AGAP1: variants seen among roughly 807,000 people sequenced by gnomAD.
AGAP1 encodes arf-GAP with GTPase, ANK repeat and PH domain-containing protein 1.
In AGAP1, 29 loss-of-function variants were observed where a neutral mutation model predicts 105.3. The observed-to-expected ratio is 0.28, with a 90% CI of 0.21 to 0.38. AGAP1 has a LOEUF of 0.38. Among genes scored for constraint, AGAP1 ranks in the 10% least tolerant of loss-of-function variants. AGAP1 has a pLI of 1.00. For missense variants in AGAP1, 998 were observed against 1,165.1 expected (o/e 0.86, Z 2.09); for synonymous variants, 509 against 485.9 (o/e 1.05, Z -0.63).
At chr2:235,534,240 C>CATG (rs1474474454) in intron 1 of AGAP1, among the ~76,000 whole-genome samples, 1 of 152,142 alleles carries the variant, frequency 6.6e-6, no homozygotes. Context: ...GGACCGATAG[C>CATG]GTGCGCATGG....
rs1297171008 is a variant in AGAP1, at chr2:236,114,160, C to T, written c.2115-6032C>T. Among the ~76,000 whole-genome samples, 1 of 152,054 alleles carries T rather than the reference C, an allele frequency of 6.6e-6. No individual in the cohort carries two copies. Among genetic ancestry groups the T allele is most frequent in the African/African-American group, 2.4e-5 (1 of 41,398 alleles). On this transcript the variant is annotated intron_variant, in intron 16 of 17. Transcript: ENST00000304032. The surrounding 1 kb of genome is among the most constrained non-coding windows in gnomAD (Gnocchi z 5.0). ...CGGAGGCTGTGAACGGTGATCCTCC[C>T]GGGGATTGGAATGAGGGGAGGTGAT...
chr2:235,914,186 T>C (rs1415020422), intron 11 of AGAP1, among the ~76,000 whole-genome samples: 1 of 152,242 alleles, frequency 6.6e-6, no homozygotes, highest in African/African-American at 2.4e-5. Flanking sequence ...CTGTTGATTC[T>C]CTAGCACACA....
chr2:235,886,107 C>T (rs928770601), intron 10 of AGAP1, among the ~76,000 whole-genome samples: 9 of 152,294 alleles, frequency 5.9e-5, no homozygotes, highest in African/African-American at 2.2e-4. Context: ...GGCACCAGGT[C>T]TTCCCTGGAT....
chr2:235,749,940 C>G (rs75691300), intron 5 of AGAP1, among the ~76,000 whole-genome samples: 3,227 of 152,238 alleles, frequency 0.021, 94 homozygotes, highest in African/African-American at 0.067. Context: ...TTATTAAGTG[C>G]GTCATTGGAC....
At position 235,644,036 on chromosome 2, in the gene AGAP1, C is replaced by T. The variant is rs778915369; in HGVS notation, c.164-65143C>T. On this transcript the variant is annotated intron_variant, in intron 1 of 17. Transcript: ENST00000304032. Reference sequence around the variant, plus strand: ...CTGGAATGAGCAGAAAGATGGCTCCCCTGGCCACAAAGGGGGGTCAGTCTA... The same window carrying T: ...CTGGAATGAGCAGAAAGATGGCTCCTCTGGCCACAAAGGGGGGTCAGTCTA... 3.0e-4 allele frequency among the ~76,000 whole-genome samples: 46 copies of T among 152,228 alleles called. No homozygotes were observed. The Middle Eastern group carries it at 0.01, about 34-fold the overall frequency.
At position 236,131,172 on chromosome 2, in the gene AGAP1, C is replaced by T. The variant is rs1349342106; in HGVS notation, c.*7050C>T. 1.3e-5 allele frequency: 2 copies of T among 152,246 alleles called. No homozygotes were observed. The highest frequency in any genetic ancestry group is 1.5e-5 in the Non-Finnish European group (1 of 68,054). The allele number at this position is 152,246 out of a possible 1,614,324, so 9.4% of individuals were successfully genotyped here. A position where few individuals can be genotyped will look rare whatever the true frequency, so the allele number is the denominator to read the frequency against. ...CATCTAATTCTCCAGACTGCAGCCC[C>T]TCTCAGCCCCGAGCACCTGAGCGCT... On this transcript the variant is annotated 3_prime_UTR_variant, in exon 18 of 18. Transcript: ENST00000304032. The surrounding 1 kb of genome is among the most constrained non-coding windows in gnomAD (Gnocchi z 5.9).
intron 9 of AGAP1, among the ~76,000 whole-genome samples, chr2:235,857,503 G>T (rs886497411): frequency 4.6e-5 from 7 of 152,192 alleles, no homozygotes; most frequent in African/African-American, 1.7e-4. Flanking sequence ...TGCTCACAGT[G>T]TGTGTGCATG....
chr2:235,803,405 C>T (rs531773144), intron 8 of AGAP1, among the ~76,000 whole-genome samples: 1 of 152,278 alleles, frequency 6.6e-6, no homozygotes, highest in Non-Finnish European at 1.5e-5. Flanking sequence ...CTCTTCATCC[C>T]TGGCAGTTGT....
chr2:235,638,014 C>A (rs552964460), intron 1 of AGAP1, among the ~76,000 whole-genome samples: 72 of 152,258 alleles, frequency 4.7e-4, no homozygotes, highest in Middle Eastern at 3.4e-3. Flanking sequence ...TTCTACTGAT[C>A]GAGCTGTTAT....
chr2:236,078,877 C>T lies in AGAP1; in HGVS notation c.2114+29596C>T, dbSNP rs1372084153. Reference sequence around the variant, plus strand: ...GTGGGTGGCCACACCCACTGCCTTTCCTTTCTCACTTCCAGCTCTGTTCTT... The same window carrying T: ...GTGGGTGGCCACACCCACTGCCTTTTCTTTCTCACTTCCAGCTCTGTTCTT... On this transcript the variant is annotated intron_variant, in intron 16 of 17. Transcript: ENST00000304032. This position sits in a 1 kb window ranked among gnomAD's most constrained non-coding sequence, Gnocchi z 5.3. Among the ~76,000 whole-genome samples the T allele has an allele frequency of 6.6e-6, 1 of 152,216 alleles. No homozygotes were observed. The highest frequency in any genetic ancestry group is 1.5e-5 in the Non-Finnish European group (1 of 68,022).
chr2:236,118,937 C>T (rs1394093687), intron 16 of AGAP1, among the ~76,000 whole-genome samples: 2 of 152,044 alleles, frequency 1.3e-5, no homozygotes, highest in South Asian at 2.1e-4. Flanking sequence ...CCACAAAGTA[C>T]AGGAGCTGCT....
chr2:235,997,301 C>A (rs1000590012), intron 13 of AGAP1, among the ~76,000 whole-genome samples: 1 of 152,186 alleles, frequency 6.6e-6, no homozygotes, highest in Admixed American at 6.5e-5. Context: ...GTTGGTCAGG[C>A]TGGTCTCGAA....
At chr2:235,529,191 C>T (rs539430460) in intron 1 of AGAP1, among the ~76,000 whole-genome samples, 14 of 152,282 alleles carry the variant, frequency 9.2e-5, no homozygotes, top group Middle Eastern at 3.4e-3. Context: ...GTTGCCTTGG[C>T]GCTGGTCCTT....
chr2:235,738,072 G>A (rs1255651176), intron 3 of AGAP1, among the ~76,000 whole-genome samples: 5 of 152,058 alleles, frequency 3.3e-5, no homozygotes, highest in East Asian at 1.9e-4. Flanking sequence ...GTGTGGCGGC[G>A]AGGTCCCTCT....
At chr2:235,618,001 A>G (rs1946362764) in intron 1 of AGAP1, among the ~76,000 whole-genome samples, 1 of 152,044 alleles carries the variant, frequency 6.6e-6, no homozygotes, top group Non-Finnish European at 1.5e-5. Context: ...AGTAGCTCAC[A>G]TCTCGTGGAG....
chr2:235,600,756 C>T lies in AGAP1; in HGVS notation c.163+105907C>T, dbSNP rs1379105710. On this transcript the variant is annotated intron_variant, in intron 1 of 17. Coordinates refer to ENST00000304032, the MANE Select transcript of AGAP1 (RefSeq NM_001037131.3). The surrounding 1 kb of genome is among the most constrained non-coding windows in gnomAD (Gnocchi z 4.8). ...TTGCTGGCAGCTGATTAAATGATGC[C>T]CACCCAGATTGAGGGTGGGTCTGCC... Among the ~76,000 whole-genome samples the T allele has an allele frequency of 6.6e-6, 1 of 152,080 alleles. No individual in the cohort carries two copies. The highest frequency in any genetic ancestry group is 1.5e-5 in the Non-Finnish European group (1 of 68,018).
chr2:236,054,072 C>G (rs751018268), intron 16 of AGAP1, among the ~76,000 whole-genome samples: 1 of 152,178 alleles, frequency 6.6e-6, no homozygotes, highest in Non-Finnish European at 1.5e-5. Flanking sequence ...CCGTACACTT[C>G]CAGATGGAAC....
Position 235,957,137 on chromosome 2 carries a change from A to G in AGAP1, c.1484-11325A>G, listed in dbSNP as rs1363290126. Among the ~76,000 whole-genome samples, 2 of 151,712 alleles carry G rather than the reference A, an allele frequency of 1.3e-5. No individual in the cohort carries two copies. Among genetic ancestry groups the G allele is most frequent in the Non-Finnish European group, 2.9e-5 (2 of 68,038 alleles). ...AACATTTTCATCGTCTCAAAAAGGA[A>G]ACTCTGTTCTTGAATTGGTGGTCAG... On this transcript the variant is annotated intron_variant, in intron 12 of 17. Coordinates refer to ENST00000304032, the MANE Select transcript of AGAP1 (RefSeq NM_001037131.3). The surrounding 1 kb of genome is among the most constrained non-coding windows in gnomAD (Gnocchi z 4.6).
intron 3 of AGAP1, among the ~76,000 whole-genome samples, chr2:235,738,670 GTC>G (rs1952396945): frequency 6.6e-6 from 1 of 151,216 alleles, no homozygotes. Flanking sequence ...CAATTCTCCT[GTC>G]TCAGCCTCCC....
Sources: gnomAD v4.1 joint callset for allele counts (sites outside exome capture counted in the v4.1 genomes callset) on GRCh38, gnomAD v4.1.1 for gene constraint, Gnocchi (gnomAD v3.1) non-coding constraint, MANE v1.5 for transcripts, NCBI Gene and HGNC (gene_info 2026-07-23, HGNC 2026-07-21) for gene names.